Variants in PCDHGB4 observed in about 807,000 individuals in gnomAD.
The protein encoded by PCDHGB4 is protocadherin gamma-B4.
Under a neutral mutation model 60.5 loss-of-function variants are expected in PCDHGB4, and 38 were observed. The ratio of observed to expected loss-of-function variants is 0.63; its 90% CI spans 0.48 to 0.82. The LOEUF is 0.82. Ranked by LOEUF, PCDHGB4 falls within the 40% of genes least tolerant of loss-of-function variation. PCDHGB4 has a pLI of 0.00. For missense variants in PCDHGB4, 1,109 were observed against 1,209.6 expected, an observed-to-expected ratio of 0.92 and a Z score of 1.23; for synonymous variants, 456 against 509.7, an observed-to-expected ratio of 0.89 and a Z score of 1.42.
chr5:141,417,618 G>A (rs370911891), intron 1 of PCDHGB4: 3 of 654,230 alleles, frequency 4.6e-6, no homozygotes, highest in Non-Finnish European at 7.4e-6. Context: ...CCAGTGCAGA[G>A]CAAGCGCTGA....
In PCDHGB4 at chr5:141,390,187, G is replaced by T; in HGVS notation, c.2303G>T (p.Ser768Ile). 6.2e-7 allele frequency: 1 copy of T among 1,614,040 alleles called. No homozygotes were observed. Among genetic ancestry groups the T allele is most frequent in the Non-Finnish European group, 8.5e-7 (1 of 1,179,906 alleles). Residue 768 changes from serine to isoleucine, a missense_variant, in exon 1 of 4, where the codon AGT (serine) becomes ATT (isoleucine). Physicochemically the swap from Ser to Ile is moderately radical, Grantham distance 142. Coordinates refer to ENST00000519479, the MANE Select transcript of PCDHGB4 (RefSeq NM_003736.4). ...GKTEFNFLKC[S>I]EQLSSGQDIL... ...ACGGAGTTTAATTTCCTAAAATGTA[G>T]TGAGCAGTTGAGTTCAGGACAAGAC...
rs1316659737 is a variant in PCDHGB4 at position 141,490,964 on chromosome 5, C to T, written c.2398-3843C>T. ...CCACGGCCAGACTGGGAACACTCAG[C>T]CCCCCAGCGTCTCCCTCGCTCTGCT... On this transcript the variant is annotated intron_variant, in intron 1 of 3. Transcript: ENST00000519479. The surrounding 1 kb of genome is among the most constrained non-coding windows in gnomAD (Gnocchi z 5.4). 2.5e-6 allele frequency: 4 copies of T among 1,613,608 alleles called. No homozygotes were observed. Among genetic ancestry groups the T allele is most frequent in the East Asian group, 2.2e-5 (1 of 44,882 alleles).
At chr5:141,509,015 C>G (rs1370464396) in intron 3 of PCDHGB4, among the ~76,000 whole-genome samples, 2 of 152,098 alleles carry the variant, frequency 1.3e-5, no homozygotes, top group African/African-American at 4.8e-5. Context: ...AAGTGGGCAG[C>G]TGCTCCCTCC....
At chr5:141,421,120 G>T (rs747126094) in intron 1 of PCDHGB4, 4 of 779,870 alleles carry the variant, frequency 5.1e-6, no homozygotes, top group Non-Finnish European at 7.9e-6. Flanking sequence ...ATTTTCCTTC[G>T]CTTTCTGATA....
At chr5:141,413,612 T>C (rs1282180585) in intron 1 of PCDHGB4, 1 of 1,613,696 alleles carries the variant, frequency 6.2e-7, no homozygotes, top group Non-Finnish European at 8.5e-7. Context: ...GACGTAAAAA[T>C]TAATGAAAAT....
At chr5:141,502,231 G>A (rs2099813372) in intron 2 of PCDHGB4, among the ~76,000 whole-genome samples, 1 of 152,172 alleles carries the variant, frequency 6.6e-6, no homozygotes, top group Non-Finnish European at 1.5e-5. Context: ...TGTTCTGTGT[G>A]TTCTTTTATC....
Position 141,491,916 on chromosome 5 carries a change from G to T in PCDHGB4, c.2398-2891G>T. ...GAGCACCGGGGGTGGTGGCGACTGT[G>T]GGCGAGGGGAGGTGGGACCGACCCC... On this transcript the variant is annotated intron_variant, in intron 1 of 3. Transcript: ENST00000519479. The surrounding 1 kb of genome is among the most constrained non-coding windows in gnomAD (Gnocchi z 6.9). 2 of 1,386,662 alleles carry T rather than the reference G, an allele frequency of 1.4e-6. No homozygotes were observed. Among genetic ancestry groups the T allele is most frequent in the African/African-American group, 1.5e-5 (1 of 68,510 alleles). The allele number at this position is 1,386,662 out of a possible 1,614,324, so 85.9% of individuals were successfully genotyped here.
In PCDHGB4 at chr5:141,400,247, T is replaced by C; in HGVS notation, c.2397+9966T>C. 1 of 1,614,050 alleles carries C rather than the reference T, an allele frequency of 6.2e-7. No homozygotes were observed. Among genetic ancestry groups the C allele is most frequent in the East Asian group, 2.2e-5 (1 of 44,884 alleles). ...TTCCTCCTGGCCGTGATTCTGGCCG[T>C]TGCCTTGCGCCTGCGACGCTCCTCC... On this transcript the variant is annotated intron_variant, in intron 1 of 3. Transcript: ENST00000519479.
At position 141,486,878 on chromosome 5, in the gene PCDHGB4, C is replaced by T. The variant is rs772994346; in HGVS notation, c.2398-7929C>T. ...CAATGCTCCAGCTGTGCTCCGTCCT[C>T]GGGCCCGGCCTGGTTCCTTATGTCC... On this transcript the variant is annotated intron_variant, in intron 1 of 3. Transcript: ENST00000519479. The surrounding 1 kb of genome is among the most constrained non-coding windows in gnomAD (Gnocchi z 5.0). 3.0e-5 allele frequency: 49 copies of T among 1,614,114 alleles called. No homozygotes were observed. The highest frequency in any genetic ancestry group is 4.4e-5 in the South Asian group (4 of 91,088).
chr5:141,490,736 A>G lies in PCDHGB4; in HGVS notation c.2398-4071A>G, dbSNP rs747567176. The G allele has an allele frequency of 5.0e-6, 8 of 1,614,084 alleles. No individual in the cohort carries two copies. Among genetic ancestry groups the G allele is most frequent in the Non-Finnish European group, 6.8e-6 (8 of 1,180,034 alleles). On this transcript the variant is annotated intron_variant, in intron 1 of 3. Transcript: ENST00000519479. This position sits in a 1 kb window ranked among gnomAD's most constrained non-coding sequence, Gnocchi z 5.4. The stretch of plus-strand genomic sequence containing the variant: ...TACTCCATTGTAGGAAATCAGGTTC[A>G]GGGAGCCCCAGCCTCCTCCTTTGTG...
rs2099693161 is a variant in PCDHGB4, at chr5:141,489,871, G to T, written c.2398-4936G>T. ...TGAAGCCCAGGCAAGACATCAGCTG[G>T]TGCTTACTGCTGTGGATGGGGGGAC... On this transcript the variant is annotated intron_variant, in intron 1 of 3. Coordinates refer to ENST00000519479, the MANE Select transcript of PCDHGB4 (RefSeq NM_003736.4). This position sits in a 1 kb window ranked among gnomAD's most constrained non-coding sequence, Gnocchi z 4.5. The T allele has an allele frequency of 6.2e-7, 1 of 1,614,088 alleles. No homozygotes were observed. Among genetic ancestry groups the T allele is most frequent in the Non-Finnish European group, 8.5e-7 (1 of 1,180,022 alleles).
intron 1 of PCDHGB4, among the ~76,000 whole-genome samples, chr5:141,443,858 T>C (rs1325927807): frequency 6.6e-6 from 1 of 152,162 alleles, no homozygotes; most frequent in Non-Finnish European, 1.5e-5. Context: ...GTCTGAAAAC[T>C]GAAAAAATTA....
Position 141,494,920 on chromosome 5 carries a change from G to A in PCDHGB4, c.2456+55G>A, listed in dbSNP as rs1329724849. The A allele has an allele frequency of 1.8e-5, 29 of 1,613,680 alleles. No individual in the cohort carries two copies. The East Asian group carries it at 6.5e-4, about 36-fold the overall frequency. On this transcript the variant is annotated intron_variant, in intron 2 of 3. Coordinates refer to ENST00000519479, the MANE Select transcript of PCDHGB4 (RefSeq NM_003736.4). ...TTCTCTGCGGCATTTTCTCAGGGAT[G>A]ACGTGGGAGGAGATGGGGGAGGGCC...
chr5:141,393,480 T>A (rs1026854698), intron 1 of PCDHGB4: 1 of 1,614,062 alleles, frequency 6.2e-7, no homozygotes, highest in Non-Finnish European at 8.5e-7. Context: ...GCCGCCTCGC[T>A]CTAGCACAGT....
intron 1 of PCDHGB4, chr5:141,417,038 T>TAAA (rs567249795): frequency 5.5e-5 from 8 of 145,968 alleles, no homozygotes; most frequent in East Asian, 2.0e-4. Context: ...GTTTTTTTTT[T>TAAA]AAAAAAAACT....
rs375597452 is a variant in PCDHGB4 at position 141,403,865 on chromosome 5, A to G, written c.2397+13584A>G. ...AAATACTGGGGAAATATCAACAGCA[A>G]AAAGTCTAGATTATGAAGAATGTTC... On this transcript the variant is annotated intron_variant, in intron 1 of 3. Transcript: ENST00000519479. 40 of 1,613,808 alleles carry G rather than the reference A, an allele frequency of 2.5e-5. No individual in the cohort carries two copies. The African/African-American group carries it at 5.2e-4, about 21-fold the overall frequency.
intron 1 of PCDHGB4, chr5:141,423,031 A>G (rs761268652): frequency 1.2e-6 from 2 of 1,614,096 alleles, no homozygotes; most frequent in East Asian, 2.2e-5. Flanking sequence ...TTCAGGCCAG[A>G]ACGCCTGGCT....
rs202220616 is a variant in PCDHGB4, at chr5:141,389,200, A to G, written c.1316A>G (p.His439Arg). Residue 439 changes from histidine to arginine, a missense_variant, in exon 1 of 4, where the codon CAC (histidine) becomes CGC (arginine). His to Arg is a conservative substitution (Grantham distance 29). Coordinates refer to ENST00000519479, the MANE Select transcript of PCDHGB4 (RefSeq NM_003736.4). ...TCCTCCAGTTCCAGCATCACCCTGC[A>G]CATTGGTGATGTAAATGACAACGCT... is the stretch of plus-strand genomic sequence containing the variant. ...PLSSSSSITLHIGDVNDNAPV... is the reference protein window; with the variant it reads ...PLSSSSSITLRIGDVNDNAPV... 1,731 of 1,614,032 alleles carry G rather than the reference A, an allele frequency of 1.1e-3. 2 individuals carry two copies. Among genetic ancestry groups the G allele is most frequent in the Non-Finnish European group, 1.4e-3 (1,628 of 1,179,874 alleles).
intron 1 of PCDHGB4, chr5:141,420,214 C>T: frequency 6.2e-7 from 1 of 1,611,064 alleles, no homozygotes; most frequent in Non-Finnish European, 8.5e-7. Context: ...ACAAAGATAG[C>T]ATGCTACTGG....
Sources: allele counts gnomAD v4.1 joint callset (sites outside exome capture counted in the v4.1 genomes callset), GRCh38; gene constraint gnomAD v4.1.1; non-coding constraint Gnocchi (gnomAD v3.1); transcripts MANE v1.5; gene names NCBI Gene and HGNC (gene_info 2026-07-23, HGNC 2026-07-21).